Variants in NFKB1 observed in about 807,000 individuals in gnomAD.
NFKB1 encodes nuclear factor NF-kappa-B p105 subunit.
A neutral mutation model predicts 105.1 loss-of-function variants in NFKB1; 9 were observed. That is an observed-to-expected ratio of 0.09 (90% CI 0.05 to 0.15). The LOEUF (loss-of-function observed/expected upper bound fraction) is 0.15. NFKB1 is among the 10% of genes least tolerant of loss of function. The pLI is 1.00. For missense variants in NFKB1, 830 were observed against 1,203.7 expected (o/e 0.69, Z 4.59); for synonymous variants, 440 against 442.2 (o/e 1.00, Z 0.06).
intron 1 of NFKB1, among the ~76,000 whole-genome samples, chr4:102,516,997 A>G (rs746392636): frequency 2.0e-5 from 3 of 152,206 alleles, no homozygotes; most frequent in African/African-American, 7.2e-5. Flanking sequence ...TCTCAGCACT[A>G]TATGATGTCC....
intron 6 of NFKB1, among the ~76,000 whole-genome samples, chr4:102,571,192 T>A (rs1408215884): frequency 6.6e-6 from 1 of 152,190 alleles, no homozygotes; most frequent in Non-Finnish European, 1.5e-5. Flanking sequence ...CATCTACAAC[T>A]ATCTGATCTT....
intron 16 of NFKB1, among the ~76,000 whole-genome samples, chr4:102,604,314 T>A (rs1468507268): frequency 1.3e-5 from 2 of 152,208 alleles, no homozygotes; most frequent in African/African-American, 2.4e-5. Flanking sequence ...TAATTATAGA[T>A]TCAAAGGAGG....
intron 1 of NFKB1, among the ~76,000 whole-genome samples, chr4:102,511,821 G>T (rs371055312): frequency 2.6e-5 from 4 of 152,208 alleles, no homozygotes; most frequent in Admixed American, 1.3e-4. Context: ...AACCTAGTGG[G>T]TGGTCAAGAA....
At chr4:102,584,967 G>A (rs1186716764) in intron 11 of NFKB1, 147 bp downstream of exon 11, 6 of 660,142 alleles carry the variant, frequency 9.1e-6, no homozygotes, top group South Asian at 2.4e-5. Context: ...CTGCAACTTC[G>A]AACTCCTGGC....
intron 5 of NFKB1, among the ~76,000 whole-genome samples, chr4:102,548,010 T>C (rs891603639): frequency 2.0e-5 from 3 of 152,130 alleles, no homozygotes; most frequent in Non-Finnish European, 2.9e-5. Context: ...AGGATACTTA[T>C]GATAGAGAGC....
intron 6 of NFKB1, among the ~76,000 whole-genome samples, chr4:102,574,584 T>G (rs1200052296): frequency 6.6e-6 from 1 of 152,142 alleles, no homozygotes; most frequent in Non-Finnish European, 1.5e-5. Context: ...ATTGCCAGGC[T>G]CTGTTGGGGT....
intron 4 of NFKB1, 147 bp from the exon 5 acceptor site, chr4:102,537,711 C>A: frequency 2.0e-6 from 1 of 502,234 alleles, no homozygotes; most frequent in Non-Finnish European, 3.6e-6. Flanking sequence ...AAAAGTGATT[C>A]TTGTTTACGG....
intron 6 of NFKB1, among the ~76,000 whole-genome samples, chr4:102,570,975 A>G (rs1466896558): frequency 7.2e-5 from 11 of 152,232 alleles, no homozygotes. Flanking sequence ...CAGAATTGGA[A>G]AAAACTACTT....
intron 8 of NFKB1, among the ~76,000 whole-genome samples, chr4:102,579,243 A>G (rs1211770524): frequency 6.6e-6 from 1 of 152,182 alleles, no homozygotes; most frequent in Non-Finnish European, 1.5e-5. Context: ...GGCTCAATAC[A>G]TGTAATTCTT....
Position 102,600,316 on chromosome 4 carries a change from C to G in NFKB1, c.1638-579C>G, listed in dbSNP as rs4648083. Among the ~76,000 whole-genome samples the G allele has an allele frequency of 2.8e-3, 433 of 152,266 alleles. 2 individuals carry two copies. The highest frequency in any genetic ancestry group is 0.01 in the African/African-American group (418 of 41,554). On this transcript the variant is annotated intron_variant, in intron 15 of 23. Coordinates refer to ENST00000226574, the MANE Select transcript of NFKB1 (RefSeq NM_003998.4). ...GGTGGGAAATACAATCACTTTGTTTCTTCACAAGTTTACTGCAAGAATTTT... is the reference window on the plus strand; with the variant it reads ...GGTGGGAAATACAATCACTTTGTTTGTTCACAAGTTTACTGCAAGAATTTT...
chr4:102,543,314 C>G (rs1721869874), intron 5 of NFKB1, among the ~76,000 whole-genome samples: 2 of 152,138 alleles, frequency 1.3e-5, no homozygotes, highest in South Asian at 2.1e-4. Context: ...TGTGACACGT[C>G]CTTCTGTGTG....
intron 5 of NFKB1, among the ~76,000 whole-genome samples, chr4:102,549,076 C>T (rs1041059707): frequency 3.3e-5 from 5 of 151,954 alleles, no homozygotes; most frequent in African/African-American, 7.3e-5. Context: ...TAATACACTC[C>T]GAAAGAGATC....
chr4:102,564,546 A>G (rs1484262680), intron 5 of NFKB1, among the ~76,000 whole-genome samples: 1 of 152,266 alleles, frequency 6.6e-6, no homozygotes. Context: ...ATCCAACAGC[A>G]CATGAGTCAC....
At chr4:102,569,326 G>C (rs1724128128) in intron 6 of NFKB1, among the ~76,000 whole-genome samples, 1 of 152,122 alleles carries the variant, frequency 6.6e-6, no homozygotes, top group Non-Finnish European at 1.5e-5. Context: ...TAAAATGAGA[G>C]AGTTTCACTA....
chr4:102,559,966 AAAAG>A (rs1411801548), intron 5 of NFKB1, among the ~76,000 whole-genome samples: 6 of 151,718 alleles, frequency 4.0e-5, no homozygotes, highest in Non-Finnish European at 2.9e-5. Context: ...GAAAGAAAGA[AAAAG>A]AAATATAAGA....
intron 19 of NFKB1, among the ~76,000 whole-genome samples, chr4:102,608,312 A>G: frequency 6.6e-6 from 1 of 152,200 alleles, no homozygotes; most frequent in Admixed American, 6.5e-5. Flanking sequence ...TTTAATGCCC[A>G]ATCACCCCTT....
intron 1 of NFKB1, chr4:102,511,097 TC>T: frequency 2.2e-6 from 1 of 451,154 alleles, no homozygotes; most frequent in South Asian, 3.1e-5. Flanking sequence ...TATTATTTTT[TC>T]CTTCCTTTTT....
chr4:102,544,674 T>G (rs1721993782), intron 5 of NFKB1, among the ~76,000 whole-genome samples: 1 of 152,202 alleles, frequency 6.6e-6, no homozygotes, highest in Non-Finnish European at 1.5e-5. Context: ...AAAATATTAC[T>G]TTGTAAAATA....
intron 19 of NFKB1, among the ~76,000 whole-genome samples, chr4:102,608,461 G>A (rs985951899): frequency 6.6e-6 from 1 of 152,120 alleles, no homozygotes; most frequent in Non-Finnish European, 1.5e-5. Flanking sequence ...TTTATTCTCT[G>A]TACTATGTTT....
Sources: gnomAD v4.1 joint callset for allele counts (sites outside exome capture counted in the v4.1 genomes callset) on GRCh38, gnomAD v4.1.1 for gene constraint, MANE v1.5 for transcripts, NCBI Gene and HGNC (gene_info 2026-07-23, HGNC 2026-07-21) for gene names.